The following SGCZ variants were observed in gnomAD, a reference collection of about 807,000 sequenced individuals.
SGCZ encodes sarcoglycan zeta, also known as zeta-sarcoglycan.
In SGCZ, 40 loss-of-function variants were observed where a neutral mutation model predicts 41.3. That is an observed-to-expected ratio of 0.97 (90% CI 0.75 to 1.26). The LOEUF (loss-of-function observed/expected upper bound fraction) is 1.26. Among genes scored for constraint, SGCZ ranks in the 50% most tolerant of loss-of-function variants. SGCZ has a pLI of 0.00. For synonymous variants in SGCZ, 206 were observed against 137.5 expected, an observed-to-expected ratio of 1.50 and a Z score of -3.49; for missense variants, 552 against 369.8, an observed-to-expected ratio of 1.49 and a Z score of -4.04.
intron 1 of SGCZ, among the ~76,000 whole-genome samples, chr8:14,755,267 C>T (rs1397349213): frequency 2.0e-5 from 3 of 151,760 alleles, no homozygotes; most frequent in South Asian, 2.1e-4. Context: ...TGTTTGTTTG[C>T]GGCTGTAGTT....
At chr8:15,018,867 C>T (rs1395219726) in intron 1 of SGCZ, among the ~76,000 whole-genome samples, 1 of 152,132 alleles carries the variant, frequency 6.6e-6, no homozygotes, top group Non-Finnish European at 1.5e-5. Context: ...TCTCAGGAAA[C>T]TTACAATCAT....
At chr8:14,584,016 A>G (rs1045491455) in intron 1 of SGCZ, among the ~76,000 whole-genome samples, 2 of 152,228 alleles carry the variant, frequency 1.3e-5, no homozygotes, top group East Asian at 3.9e-4. Context: ...TTTTCTGGGC[A>G]TGACTCTGTT....
chr8:14,427,854 T>C (rs980450773), intron 2 of SGCZ, among the ~76,000 whole-genome samples: 1 of 152,036 alleles, frequency 6.6e-6, no homozygotes, highest in Non-Finnish European at 1.5e-5. Flanking sequence ...CAATCATGGA[T>C]GAAAATATTT....
At chr8:15,004,800 C>G (rs549052781) in intron 1 of SGCZ, among the ~76,000 whole-genome samples, 4 of 152,074 alleles carry the variant, frequency 2.6e-5, no homozygotes, top group Non-Finnish European at 4.4e-5. Flanking sequence ...TAAAGAGAGA[C>G]GCAAAAGTTT....
At chr8:14,592,463 ATTCT>A (rs1805270347) in intron 1 of SGCZ, among the ~76,000 whole-genome samples, 1 of 152,090 alleles carries the variant, frequency 6.6e-6, no homozygotes, top group Admixed American at 6.6e-5. Context: ...TTCTAATGTA[ATTCT>A]TTCTTAATTT....
chr8:14,383,571 T>C (rs368291236), intron 2 of SGCZ, among the ~76,000 whole-genome samples: 6 of 152,186 alleles, frequency 3.9e-5, no homozygotes, highest in African/African-American at 9.7e-5. Context: ...AAAAAGAACA[T>C]GTGAATTAAA....
chr8:14,326,103 C>T (rs1228331114), intron 2 of SGCZ, among the ~76,000 whole-genome samples: 6 of 1,042 alleles, frequency 5.8e-3, no homozygotes, highest in Admixed American at 0.015. Flanking sequence ...AAGAGTGAGA[C>T]TCCGTCTCAA....
rs191157594 is a variant in SGCZ, at chr8:14,478,005, A to G, written c.234+76727T>C. On this transcript the variant is annotated intron_variant, in intron 2 of 7. Transcript: ENST00000382080. ...TAATTTTCCAAGTAAGTGCAGAATA[A>G]TTATGAAGAAGGAACCTGATGAATA... Among the ~76,000 whole-genome samples the G allele has an allele frequency of 5.8e-3, 889 of 152,358 alleles. 3 individuals carry two copies. Among genetic ancestry groups the G allele is most frequent in the Non-Finnish European group, 9.8e-3 (668 of 68,038 alleles).
intron 1 of SGCZ, among the ~76,000 whole-genome samples, chr8:14,948,816 T>C (rs762179674): frequency 3.3e-5 from 5 of 152,160 alleles, no homozygotes; most frequent in Non-Finnish European, 7.4e-5. Context: ...TTTTGCTTGC[T>C]TGCTGGTTTT....
chr8:14,559,366 C>T (rs1219215236), intron 1 of SGCZ, among the ~76,000 whole-genome samples: 2 of 151,994 alleles, frequency 1.3e-5, no homozygotes, highest in African/African-American at 2.4e-5. Flanking sequence ...ATCAAGAACT[C>T]GACCCCTTTT....
At chr8:14,455,299 G>A (rs1800709087) in intron 2 of SGCZ, among the ~76,000 whole-genome samples, 1 of 152,082 alleles carries the variant, frequency 6.6e-6, no homozygotes, top group Non-Finnish European at 1.5e-5. Context: ...TTAAGGAAAT[G>A]TAATTTAAAA....
chr8:14,935,790 G>A (rs1285418614), intron 1 of SGCZ, among the ~76,000 whole-genome samples: 1 of 151,428 alleles, frequency 6.6e-6, no homozygotes, highest in Non-Finnish European at 1.5e-5. Flanking sequence ...TAAAACAAAG[G>A]CTATTAAGAT....
chr8:14,625,883 C>G (rs1008223321), intron 1 of SGCZ, among the ~76,000 whole-genome samples: 4 of 152,092 alleles, frequency 2.6e-5, no homozygotes, highest in Admixed American at 6.6e-5. Flanking sequence ...CTTAAAAGGT[C>G]AAATGAGAAT....
intron 2 of SGCZ, among the ~76,000 whole-genome samples, chr8:14,432,079 G>C (rs758537969): frequency 4.1e-4 from 63 of 152,280 alleles, no homozygotes; most frequent in Non-Finnish European, 7.2e-4. Flanking sequence ...TACCCTGCTG[G>C]TGGGAATGTA....
At chr8:14,478,893 C>G (rs1239833828) in intron 2 of SGCZ, among the ~76,000 whole-genome samples, 33 of 151,274 alleles carry the variant, frequency 2.2e-4, no homozygotes, top group Non-Finnish European at 1.5e-5. Flanking sequence ...AATCTCTGGT[C>G]GCTACATCTG....
intron 1 of SGCZ, among the ~76,000 whole-genome samples, chr8:14,679,466 T>A (rs1808373665): frequency 6.6e-6 from 1 of 151,540 alleles, no homozygotes; most frequent in Non-Finnish European, 1.5e-5. Context: ...TGTGTTCGTG[T>A]ATTAGTTTTT....
chr8:14,269,441 T>C (rs1473540750), intron 3 of SGCZ, among the ~76,000 whole-genome samples: 1 of 152,082 alleles, frequency 6.6e-6, no homozygotes, highest in African/African-American at 2.4e-5. Flanking sequence ...CATACTATTT[T>C]TAATTATTTC....
At chr8:14,795,892 T>C (rs578109420) in intron 1 of SGCZ, among the ~76,000 whole-genome samples, 42 of 152,316 alleles carry the variant, frequency 2.8e-4, no homozygotes, top group African/African-American at 9.6e-4. Flanking sequence ...GTTCTCATTA[T>C]TTAGTTCCCA....
intron 2 of SGCZ, among the ~76,000 whole-genome samples, chr8:14,396,652 T>A (rs1425360529): frequency 6.6e-6 from 1 of 152,110 alleles, no homozygotes; most frequent in Non-Finnish European, 1.5e-5. Context: ...GTAGCTAATA[T>A]AACGACTGAT....
Sources: allele counts gnomAD v4.1 joint callset (sites outside exome capture counted in the v4.1 genomes callset), GRCh38; gene constraint gnomAD v4.1.1; transcripts MANE v1.5; gene names NCBI Gene and HGNC (gene_info 2026-07-23, HGNC 2026-07-21).